Variants in TXNDC11 observed in about 807,000 individuals in gnomAD.
TXNDC11 encodes the protein thioredoxin domain-containing protein 11.
Under a neutral mutation model 78.0 loss-of-function variants are expected in TXNDC11, and 68 were observed. The observed-to-expected ratio is 0.87, with a 90% CI of 0.72 to 1.07. The LOEUF is 1.07. Among genes scored for constraint, TXNDC11 ranks in the 50% least tolerant of loss-of-function variants. The pLI is 0.00. For missense variants in TXNDC11, 1,389 were observed against 1,221.8 expected (o/e 1.14, Z -2.04); for synonymous variants, 571 against 495.2 (o/e 1.15, Z -2.03).
At chr16:11,694,340 A>G (rs887473366) in intron 7 of TXNDC11, among the ~76,000 whole-genome samples, 17 of 151,910 alleles carry the variant, frequency 1.1e-4, no homozygotes, top group African/African-American at 4.1e-4. Flanking sequence ...AGATTTCACC[A>G]TGTTGGCCAG....
chr16:11,693,308 C>T (rs566347820), intron 7 of TXNDC11, among the ~76,000 whole-genome samples: 5 of 152,244 alleles, frequency 3.3e-5, no homozygotes, highest in African/African-American at 1.2e-4. Flanking sequence ...AAGAATATTT[C>T]GTTACCCACC....
At chr16:11,697,957 G>C (rs1440835882) in intron 7 of TXNDC11, among the ~76,000 whole-genome samples, 168 bp downstream of exon 7, 1 of 152,210 alleles carries the variant, frequency 6.6e-6, no homozygotes, top group Admixed American at 6.5e-5. Context: ...CTAGACACGG[G>C]CTCTCTCCTG....
intron 1 of TXNDC11, among the ~76,000 whole-genome samples, chr16:11,736,924 G>C (rs754879686): frequency 1.3e-5 from 2 of 152,234 alleles, no homozygotes; most frequent in South Asian, 4.1e-4. Flanking sequence ...CAAGTGGTCA[G>C]AAGTAACTTT....
At chr16:11,692,251 G>A (rs1455240559) in intron 7 of TXNDC11, 169 bp from the exon 8 acceptor site, 3 of 602,458 alleles carry the variant, frequency 5.0e-6, no homozygotes, top group African/African-American at 3.7e-5. Context: ...TAAACTACAT[G>A]TCGCTCTGAG....
In TXNDC11 at chr16:11,679,304, T is replaced by A; in HGVS notation, c.2768A>T (p.Lys923Met). The A allele has an allele frequency of 6.2e-7, 1 of 1,612,828 alleles. No homozygotes were observed. The highest frequency in any genetic ancestry group is 1.1e-5 in the South Asian group (1 of 91,048). ...GGGGGTGGCTGAGGGCTCAGGCTGC[T>A]TGGGGTGGACCTCTCTCTGGGCCGC... Reference protein sequence around the residue: ...SLAAQREVHPKQPEPSATPQL... With the variant: ...SLAAQREVHPMQPEPSATPQL... The change falls in exon 12 of 12, where the codon AAG becomes ATG. Residue 923 changes from lysine to methionine, a missense_variant. Transcript: ENST00000283033. The surrounding 1 kb of genome is among the most constrained non-coding windows in gnomAD (Gnocchi z 4.6).
intron 5 of TXNDC11, among the ~76,000 whole-genome samples, chr16:11,714,763 C>G (rs1178000399): frequency 6.6e-6 from 1 of 152,168 alleles, no homozygotes; most frequent in Non-Finnish European, 1.5e-5. Context: ...GCATCAGACG[C>G]CACCTGGTGG....
chr16:11,712,108 G>A (rs1358963744), intron 5 of TXNDC11, among the ~76,000 whole-genome samples: 1 of 152,090 alleles, frequency 6.6e-6, no homozygotes, highest in Admixed American at 6.5e-5. Flanking sequence ...CAAACTTGGA[G>A]AAACAGGATC....
chr16:11,685,916 T>C (rs1567292537), intron 10 of TXNDC11, among the ~76,000 whole-genome samples: 1 of 152,194 alleles, frequency 6.6e-6, no homozygotes, highest in Non-Finnish European at 1.5e-5. Flanking sequence ...TTGGGCTAAA[T>C]AAGGCCCCCC....
At chr16:11,690,729 T>G (rs954899442) in intron 8 of TXNDC11, 1 of 152,400 alleles carries the variant, frequency 6.6e-6, no homozygotes. Context: ...ATTTTTTTTT[T>G]TTTTGTATTT....
chr16:11,720,556 C>A (rs1003971206), intron 5 of TXNDC11, among the ~76,000 whole-genome samples: 25 of 151,690 alleles, frequency 1.6e-4, no homozygotes, highest in Middle Eastern at 6.8e-3. Flanking sequence ...GCTGGGACTA[C>A]AAGCACGTGC....
chr16:11,680,264 T>G (rs570868846), intron 11 of TXNDC11, among the ~76,000 whole-genome samples: 1 of 151,838 alleles, frequency 6.6e-6, no homozygotes, highest in Middle Eastern at 3.4e-3. Flanking sequence ...CCACTGACAG[T>G]GCCCGGAGAA....
chr16:11,723,107 A>T (rs1240261683), intron 4 of TXNDC11, among the ~76,000 whole-genome samples: 1 of 151,726 alleles, frequency 6.6e-6, no homozygotes, highest in East Asian at 1.9e-4. Flanking sequence ...AAAATACAAA[A>T]ATTAGCCAGG....
rs766862586 is a variant in TXNDC11, at chr16:11,698,247, G to C, written c.985C>G (p.Arg329Gly). Residue 329 changes from arginine to glycine, a missense_variant, in exon 7 of 12, where the codon CGG becomes GGG. Physicochemically the swap from Arg to Gly is moderately radical, Grantham distance 125. Coordinates refer to ENST00000283033, the MANE Select transcript of TXNDC11 (RefSeq NM_015914.7). Reference sequence around the variant, plus strand: ...TTGCCTCCGTGTGGCCGCAGCCACCGAAAGAGCGTCTCCTGGTTTTCTAAG... The same window carrying C: ...TTGCCTCCGTGTGGCCGCAGCCACCCAAAGAGCGTCTCCTGGTTTTCTAAG... ...WALENQETLF[R>G]WLRPHGGKSL... is the part of the protein sequence containing the mutation. 6.2e-6 allele frequency: 10 copies of C among 1,614,034 alleles called. No homozygotes were observed. The highest frequency in any genetic ancestry group is 8.5e-6 in the Non-Finnish European group (10 of 1,180,022).
intron 7 of TXNDC11, among the ~76,000 whole-genome samples, chr16:11,693,990 T>C (rs2050788165): frequency 6.6e-6 from 1 of 151,866 alleles, no homozygotes; most frequent in South Asian, 2.1e-4. Flanking sequence ...GAGAAGAAAA[T>C]TCCTTGAAAA....
At chr16:11,705,517 G>A (rs182499320) in intron 5 of TXNDC11, among the ~76,000 whole-genome samples, 1 of 152,164 alleles carries the variant, frequency 6.6e-6, no homozygotes, top group Non-Finnish European at 1.5e-5. Context: ...AAAGCAGCCA[G>A]TAAGGAAATT....
At chr16:11,705,044 A>G (rs1011147664) in intron 5 of TXNDC11, among the ~76,000 whole-genome samples, 3 of 151,386 alleles carry the variant, frequency 2.0e-5, no homozygotes, top group Non-Finnish European at 4.4e-5. Flanking sequence ...ATAGGCATGC[A>G]CCCCCATGTC....
chr16:11,742,517 G>A lies in TXNDC11; in HGVS notation c.214C>T (p.Leu72Phe). ...AGGGCGAGGAGCAGCGCGCAGCCGA[G>A]CGCCACGGCCCCGCAGAGCAGCTCC... ...RPELLCGAVA[L>F]GCALLLALKF... is the part of the protein sequence containing the mutation. The change falls in exon 1 of 12, where the codon CTC becomes TTC. Residue 72 changes from leucine to phenylalanine, a missense_variant. Physicochemically the swap from Leu to Phe is conservative, Grantham distance 22. Coordinates refer to ENST00000283033, the MANE Select transcript of TXNDC11 (RefSeq NM_015914.7). 6.9e-7 allele frequency: 1 copy of A among 1,456,330 alleles called. No homozygotes were observed. Among genetic ancestry groups the A allele is most frequent in the South Asian group, 1.3e-5 (1 of 75,076 alleles). The allele number at this position is 1,456,330 out of a possible 1,614,324, so 90.2% of individuals were successfully genotyped here. A position where few individuals can be genotyped will look rare whatever the true frequency, so the allele number is the denominator to read the frequency against.
chr16:11,726,488 G>C (rs947677950), intron 4 of TXNDC11, among the ~76,000 whole-genome samples: 1 of 150,500 alleles, frequency 6.6e-6, no homozygotes, highest in African/African-American at 2.4e-5. Context: ...GCTGAGGCAG[G>C]AGAATCACTT....
chr16:11,696,592 T>C (rs2141022727), intron 7 of TXNDC11, among the ~76,000 whole-genome samples: 1 of 152,298 alleles, frequency 6.6e-6, no homozygotes, highest in African/African-American at 2.4e-5. Flanking sequence ...GTCTGAGTAA[T>C]TCATAATACG....
Sources: gnomAD v4.1 joint callset for allele counts (sites outside exome capture counted in the v4.1 genomes callset) on GRCh38, gnomAD v4.1.1 for gene constraint, Gnocchi (gnomAD v3.1) non-coding constraint, MANE v1.5 for transcripts, NCBI Gene and HGNC (gene_info 2026-07-23, HGNC 2026-07-21) for gene names.